TULP4: variants seen among roughly 807,000 people sequenced by gnomAD.
TULP4 encodes the protein TUB like protein 4, also known as tubby-related protein 4.
A neutral mutation model predicts 129.0 loss-of-function variants in TULP4; 16 were observed. The ratio of observed to expected loss-of-function variants is 0.12; its 90% CI spans 0.08 to 0.19. The LOEUF is 0.19. Ranked by LOEUF, TULP4 falls within the 10% of genes least tolerant of loss-of-function variation. TULP4 has a pLI of 1.00. For synonymous variants in TULP4, 998 were observed against 854.0 expected (o/e 1.17, Z -2.94); for missense variants, 1,842 against 2,059.1 (o/e 0.89, Z 2.04).
chr6:158,501,694 T>C lies in TULP4; in HGVS notation c.2031T>C (p.Gly677=), dbSNP rs1341513761. The change falls in exon 13 of 14, where the codon GGT becomes GGC. Residue 677 remains glycine, a synonymous_variant. Transcript: ENST00000367097. ...TTCTTCCAGTGACAGGAGCATCTGGTGTCCCTGAGAACAGCCCACCTTGTA... is the reference window on the plus strand; with the variant it reads ...TTCTTCCAGTGACAGGAGCATCTGGCGTCCCTGAGAACAGCCCACCTTGTA... ...EDDLPVTGAS[G]VPENSPPCTV... The C allele has an allele frequency of 1.2e-6, 2 of 1,605,614 alleles. No individual in the cohort carries two copies. The highest frequency in any genetic ancestry group is 1.7e-6 in the Non-Finnish European group (2 of 1,173,546).
intron 1 of TULP4, among the ~76,000 whole-genome samples, chr6:158,325,422 G>C (rs949031489): frequency 6.9e-6 from 1 of 144,214 alleles, no homozygotes; most frequent in Non-Finnish European, 1.5e-5. Context: ...GTTGAATCTC[G>C]GCTCACTGCA....
At position 158,376,336 on chromosome 6, in the gene TULP4, G is replaced by T. The variant is rs140226935; in HGVS notation, c.253-36729G>T. Reference sequence around the variant, plus strand: ...TTGCTGGGCATGTGGAAGGCTCTTCGTCCCATGTCTGGTGCCTACACTGGA... The same window carrying T: ...TTGCTGGGCATGTGGAAGGCTCTTCTTCCCATGTCTGGTGCCTACACTGGA... On this transcript the variant is annotated intron_variant, in intron 1 of 13. Coordinates refer to ENST00000367097, the MANE Select transcript of TULP4 (RefSeq NM_020245.5). Among the ~76,000 whole-genome samples the T allele has an allele frequency of 3.6e-3, 555 of 152,254 alleles. 2 individuals are homozygous for T. The highest frequency in any genetic ancestry group is 0.013 in the African/African-American group (525 of 41,542).
At chr6:158,262,481 C>A (rs1049414680) in intron 1 of TULP4, among the ~76,000 whole-genome samples, 2 of 152,172 alleles carry the variant, frequency 1.3e-5, no homozygotes, top group Non-Finnish European at 2.9e-5. Context: ...CCACTGAAGT[C>A]TTCCTGCACA....
intron 1 of TULP4, among the ~76,000 whole-genome samples, chr6:158,389,645 G>T (rs1217742728): frequency 6.6e-6 from 1 of 152,006 alleles, no homozygotes. Flanking sequence ...ATTGCAAAAT[G>T]CTGTGAAAGG....
At chr6:158,349,056 G>T (rs1376587846) in intron 1 of TULP4, among the ~76,000 whole-genome samples, 5 of 54,546 alleles carry the variant, frequency 9.2e-5, no homozygotes, top group African/African-American at 2.0e-4. Flanking sequence ...TCACTTCCCA[G>T]ACGGGGCGGC....
upstream of TULP4, among the ~76,000 whole-genome samples, chr6:158,309,772 G>A (rs1158701060): frequency 6.6e-6 from 1 of 151,018 alleles, no homozygotes; most frequent in Non-Finnish European, 1.5e-5. Flanking sequence ...GCCTGCAATC[G>A]CAGGCACTCG....
intron 11 of TULP4, 38 bp from the exon 12 acceptor site, chr6:158,498,631 G>A (rs562926759): frequency 1.9e-6 from 3 of 1,613,666 alleles, no homozygotes; most frequent in Admixed American, 1.7e-5. Context: ...CTGCTCTGGT[G>A]TGTCTCTGTT....
Position 158,234,236 on chromosome 6 carries a change from ACT to A in TULP4, n.68+1936_68+1937del, listed in dbSNP as rs200679863. On this transcript the variant is annotated intron_variant and non_coding_transcript_variant, in intron 1 of 1. Transcript: ENST00000620026. ...TATTCACAGTTTTTTACCTACCAAA[ACT>A]CTGAATAGAAAAAGATGTTTAACCC... Among the ~76,000 whole-genome samples, 582 of 152,340 alleles carry A rather than the reference ACT, an allele frequency of 3.8e-3. 7 individuals are homozygous for A. The highest frequency in any genetic ancestry group is 0.013 in the African/African-American group (557 of 41,580).
chr6:158,409,385 A>G (rs188875072), intron 1 of TULP4, among the ~76,000 whole-genome samples: 64 of 152,328 alleles, frequency 4.2e-4, no homozygotes, highest in African/African-American at 1.4e-3. Flanking sequence ...CTTCTTAGTC[A>G]AAGAACATAC....
chr6:158,335,966 C>T (rs1188787832), intron 1 of TULP4, among the ~76,000 whole-genome samples: 1 of 152,154 alleles, frequency 6.6e-6, no homozygotes, highest in African/African-American at 2.4e-5. Context: ...GAAGTGAAAT[C>T]GCTGCATTGT....
chr6:158,439,033 T>C (rs1778819693), intron 3 of TULP4, among the ~76,000 whole-genome samples: 1 of 151,786 alleles, frequency 6.6e-6, no homozygotes. Flanking sequence ...TAGCAGGGTG[T>C]GGTGGCATGT....
chr6:158,354,647 C>T (rs1041357134), intron 1 of TULP4, among the ~76,000 whole-genome samples: 6 of 152,200 alleles, frequency 3.9e-5, no homozygotes, highest in Non-Finnish European at 8.8e-5. Flanking sequence ...AGTCCCAGCA[C>T]TTTAGGAGGC....
chr6:158,290,758 T>C (rs1778922942), intron 1 of TULP4, among the ~76,000 whole-genome samples: 1 of 122,760 alleles, frequency 8.1e-6, no homozygotes, highest in African/African-American at 2.9e-5. Flanking sequence ...CTTTTGGCTC[T>C]GGTCATCCTT....
At chr6:158,241,852 C>A in intron 1 of TULP4, 1 of 647,850 alleles carries the variant, frequency 1.5e-6, no homozygotes, top group East Asian at 2.9e-5. Flanking sequence ...CTCCGCCTCC[C>A]AAAGTGCTGG....
At chr6:158,233,036 C>T (rs1481795590) in intron 1 of TULP4, among the ~76,000 whole-genome samples, 3 of 152,236 alleles carry the variant, frequency 2.0e-5, no homozygotes, top group Non-Finnish European at 4.4e-5. Context: ...GAAGTTTGAC[C>T]CGCTTGGGGC....
At chr6:158,328,970 T>C (rs576514037) in intron 1 of TULP4, among the ~76,000 whole-genome samples, 257 of 152,280 alleles carry the variant, frequency 1.7e-3, no homozygotes, top group Non-Finnish European at 3.0e-3. Flanking sequence ...TGGTCATTTC[T>C]CTGGGATATG....
At chr6:158,306,443 A>G (rs1054098737) in intron 1 of TULP4, among the ~76,000 whole-genome samples, 3 of 152,202 alleles carry the variant, frequency 2.0e-5, no homozygotes, top group African/African-American at 7.2e-5. Flanking sequence ...CTGTAGTCCC[A>G]GCTCCTCAAG....
intron 1 of TULP4, among the ~76,000 whole-genome samples, chr6:158,324,456 T>C (rs1206391754): frequency 6.6e-6 from 1 of 152,092 alleles, no homozygotes; most frequent in Non-Finnish European, 1.5e-5. Flanking sequence ...AGTCAGGGAG[T>C]GAGCTGGACC....
chr6:158,283,057 T>A (rs1046616116), intron 1 of TULP4, among the ~76,000 whole-genome samples: 7 of 151,246 alleles, frequency 4.6e-5, no homozygotes, highest in Admixed American at 1.3e-4. Context: ...GAGAATCGCT[T>A]GAATCCAGGA....
Sources: allele counts gnomAD v4.1 joint callset (sites outside exome capture counted in the v4.1 genomes callset), GRCh38; gene constraint gnomAD v4.1.1; transcripts MANE v1.5; gene names NCBI Gene and HGNC (gene_info 2026-07-23, HGNC 2026-07-21).